Variants in CSMD3 observed in about 807,000 individuals in gnomAD.
CSMD3 encodes CUB and Sushi multiple domains 3.
A neutral mutation model predicts 435.2 loss-of-function variants in CSMD3; 177 were observed. The ratio of observed to expected loss-of-function variants is 0.41; its 90% CI spans 0.36 to 0.46. The LOEUF (loss-of-function observed/expected upper bound fraction) is 0.46. Ranked by LOEUF, CSMD3 falls within the 20% of genes least tolerant of loss-of-function variation. CSMD3 has a pLI of 0.34. For missense variants in CSMD3, 4,265 were observed against 4,504.6 expected, an observed-to-expected ratio of 0.95 and a Z score of 1.52; for synonymous variants, 1,656 against 1,520.5, an observed-to-expected ratio of 1.09 and a Z score of -2.07.
At chr8:112,286,428 T>C (rs1258594986) in intron 58 of CSMD3, among the ~76,000 whole-genome samples, 3 of 152,122 alleles carry the variant, frequency 2.0e-5, no homozygotes, top group Non-Finnish European at 4.4e-5. Flanking sequence ...AATCATCCCT[T>C]GTCCAGGGTA....
chr8:112,617,299 T>C (rs537370366), intron 22 of CSMD3, among the ~76,000 whole-genome samples: 1 of 152,324 alleles, frequency 6.6e-6, no homozygotes, highest in South Asian at 2.1e-4. Context: ...ATAACTTTTT[T>C]CTTATTTGGG....
In CSMD3 at chr8:113,363,176, G is replaced by C. The variant is rs147552355; in HGVS notation, c.179-48383C>G. Among the ~76,000 whole-genome samples the C allele has an allele frequency of 8.5e-5, 13 of 152,238 alleles. No homozygotes were observed. The East Asian group carries it at 2.5e-3, about 29-fold the overall frequency. On this transcript the variant is annotated intron_variant, in intron 1 of 70. Coordinates refer to ENST00000297405, the MANE Select transcript of CSMD3 (RefSeq NM_198123.2). ...ATATCACATTGATCATTGTGAACCA[G>C]TATGGTATGGATCACAACTCCTGAA...
chr8:112,656,138 T>G lies in CSMD3; in HGVS notation c.3004+16A>C, dbSNP rs2131660390. The stretch of plus-strand genomic sequence containing the variant: ...CAAACAGAATGAGGAAATCAAAAAG[T>G]TTTATCATTACTTACTTTCATAATG... On this transcript the variant is annotated intron_variant, in intron 18 of 70. Coordinates refer to ENST00000297405, the MANE Select transcript of CSMD3 (RefSeq NM_198123.2). The G allele has an allele frequency of 1.4e-6, 2 of 1,433,174 alleles. No individual in the cohort carries two copies. The highest frequency in any genetic ancestry group is 2.0e-6 in the Non-Finnish European group (2 of 1,016,880). 88.8% of individuals were successfully genotyped at this position (1,433,174 alleles called of 1,614,324 possible).
At chr8:112,528,936 G>A (rs554388916) in intron 27 of CSMD3, among the ~76,000 whole-genome samples, 14 of 152,082 alleles carry the variant, frequency 9.2e-5, no homozygotes, top group East Asian at 3.9e-4. Flanking sequence ...TGGGACCAGC[G>A]CAGTACACCA....
At chr8:112,311,904 C>T (rs1822009469) in intron 49 of CSMD3, among the ~76,000 whole-genome samples, 1 of 151,962 alleles carries the variant, frequency 6.6e-6, no homozygotes, top group East Asian at 1.9e-4. Context: ...ACAAATTGGA[C>T]TTAGGATATA....
In CSMD3 at chr8:112,999,310, A is replaced by T. The variant is rs2085774404; in HGVS notation, c.1030+19757T>A. Among the ~76,000 whole-genome samples the T allele has an allele frequency of 2.0e-5, 3 of 151,972 alleles. No homozygotes were observed. The South Asian group carries it at 6.2e-4, about 31-fold the overall frequency. On this transcript the variant is annotated intron_variant, in intron 6 of 70. Coordinates refer to ENST00000297405, the MANE Select transcript of CSMD3 (RefSeq NM_198123.2). ...AGATTTAATCAAATTTATGAAGAGT[A>T]TCAGAAATTGAGCCACACAATTTAG...
chr8:113,234,853 G>A (rs1379303246), intron 3 of CSMD3, among the ~76,000 whole-genome samples: 1 of 152,044 alleles, frequency 6.6e-6, no homozygotes, highest in East Asian at 1.9e-4. Flanking sequence ...TTTTCTGTCA[G>A]CTTAAAGAAA....
At chr8:112,882,593 G>A (rs377538205) in intron 10 of CSMD3, among the ~76,000 whole-genome samples, 1 of 151,948 alleles carries the variant, frequency 6.6e-6, no homozygotes, top group Non-Finnish European at 1.5e-5. Context: ...TGGAAAGCGT[G>A]TGAACCACAG....
At chr8:113,096,843 G>A (rs1281215412) in intron 5 of CSMD3, among the ~76,000 whole-genome samples, 2 of 151,984 alleles carry the variant, frequency 1.3e-5, no homozygotes, top group African/African-American at 4.8e-5. Context: ...ATATTCATCA[G>A]GACTTTGCTC....
At chr8:112,533,828 A>C (rs1825779911) in intron 27 of CSMD3, among the ~76,000 whole-genome samples, 1 of 152,090 alleles carries the variant, frequency 6.6e-6, no homozygotes. Flanking sequence ...CATACTTCTC[A>C]TTAGCACCAG....
At chr8:112,410,096 C>T (rs563691029) in intron 32 of CSMD3, among the ~76,000 whole-genome samples, 49 of 151,924 alleles carry the variant, frequency 3.2e-4, no homozygotes, top group African/African-American at 1.2e-3. Flanking sequence ...GGTCCTTTTA[C>T]TAACAGGCTA....
chr8:112,421,201 A>T (rs942521452), intron 32 of CSMD3, among the ~76,000 whole-genome samples: 1 of 152,016 alleles, frequency 6.6e-6, no homozygotes, highest in South Asian at 2.1e-4. Context: ...AAGGAATTCC[A>T]AGCTTACTTA....
intron 32 of CSMD3, among the ~76,000 whole-genome samples, chr8:112,446,725 A>T (rs896728022): frequency 6.6e-6 from 1 of 152,190 alleles, no homozygotes; most frequent in African/African-American, 2.4e-5. Flanking sequence ...ATTTGCATAA[A>T]ATGACTTCAA....
intron 4 of CSMD3, among the ~76,000 whole-genome samples, chr8:113,132,764 C>T (rs969563348): frequency 1.3e-5 from 2 of 152,008 alleles, no homozygotes; most frequent in East Asian, 1.9e-4. Context: ...CAGGAAATGC[C>T]CAATGAGACT....
intron 6 of CSMD3, among the ~76,000 whole-genome samples, chr8:112,994,309 A>C (rs1252535812): frequency 1.3e-5 from 2 of 151,774 alleles, no homozygotes; most frequent in Non-Finnish European, 2.9e-5. Flanking sequence ...GAACATGTAC[A>C]CACTACTAGC....
chr8:112,450,595 C>T (rs1414753748), intron 32 of CSMD3, among the ~76,000 whole-genome samples: 4 of 152,132 alleles, frequency 2.6e-5, no homozygotes, highest in East Asian at 3.9e-4. Context: ...CATCGGAAAA[C>T]GCAGAGCTGA....
intron 41 of CSMD3, among the ~76,000 whole-genome samples, chr8:112,343,015 A>ATATATATT (rs1476160810): frequency 4.3e-5 from 4 of 92,918 alleles, no homozygotes; most frequent in African/African-American, 1.2e-4. Context: ...ATATATATAT[A>ATATATATT]TTTATATATA....
intron 5 of CSMD3, among the ~76,000 whole-genome samples, chr8:113,088,644 G>C (rs1370263061): frequency 6.8e-6 from 1 of 148,134 alleles, no homozygotes; most frequent in Non-Finnish European, 1.5e-5. Context: ...CTCACTCATA[G>C]GTGGGAATTG....
intron 4 of CSMD3, among the ~76,000 whole-genome samples, chr8:113,138,810 A>AGTGTGT (rs34755068): frequency 0.17 from 24,255 of 145,604 alleles, 2,330 homozygotes; most frequent in African/African-American, 0.28. Flanking sequence ...TAAACGTGTT[A>AGTGTGT]GTGTGTGTGT....
Sources: allele counts gnomAD v4.1 joint callset (sites outside exome capture counted in the v4.1 genomes callset), GRCh38; gene constraint gnomAD v4.1.1; transcripts MANE v1.5; gene names NCBI Gene and HGNC (gene_info 2026-07-23, HGNC 2026-07-21).